Variants in ASZ1 observed in about 807,000 individuals in gnomAD.
The protein encoded by ASZ1 is ankyrin repeat, SAM and basic leucine zipper domain-containing protein 1.
A neutral mutation model predicts 61.8 loss-of-function variants in ASZ1; 67 were observed. The observed-to-expected ratio is 1.08, with a 90% CI of 0.89 to 1.33. The LOEUF (loss-of-function observed/expected upper bound fraction) is 1.33. ASZ1 is among the 40% of genes most tolerant of loss of function. The pLI is 0.00. For missense variants in ASZ1, 577 were observed against 554.5 expected (o/e 1.04, Z -0.41); for synonymous variants, 193 against 192.7 (o/e 1.00, Z -0.01).
At chr7:117,391,151 A>G (rs940425081) in intron 4 of ASZ1, among the ~76,000 whole-genome samples, 5 of 148,612 alleles carry the variant, frequency 3.4e-5, no homozygotes, top group African/African-American at 1.2e-4. Flanking sequence ...GTGACTGTTT[A>G]TGTCCTTTGC....
At chr7:117,365,764 C>G (rs1459144533) in intron 12 of ASZ1, among the ~76,000 whole-genome samples, 1 of 152,138 alleles carries the variant, frequency 6.6e-6, no homozygotes, top group African/African-American at 2.4e-5. Context: ...AGCACAGGTG[C>G]CTGACATATA....
chr7:117,423,232 GT>G (rs1260789332), intron 2 of ASZ1, among the ~76,000 whole-genome samples: 4 of 150,630 alleles, frequency 2.7e-5, no homozygotes, highest in East Asian at 3.9e-4. Context: ...GTATTTTGTT[GT>G]TTTTTTTTAG....
chr7:117,425,981 G>A (rs899574249), intron 2 of ASZ1, among the ~76,000 whole-genome samples: 3 of 151,590 alleles, frequency 2.0e-5, no homozygotes, highest in Admixed American at 6.6e-5. Flanking sequence ...GCTAGAGAGA[G>A]ACACTCCATC....
chr7:117,377,521 T>C (rs74470343), intron 10 of ASZ1, among the ~76,000 whole-genome samples: 3,480 of 152,158 alleles, frequency 0.023, 130 homozygotes, highest in African/African-American at 0.08. Flanking sequence ...GGGCGAGACC[T>C]GGTCTCAAAA....
At chr7:117,385,586 A>G in intron 5 of ASZ1, 112 bp downstream of exon 5, 2 of 876,198 alleles carry the variant, frequency 2.3e-6, no homozygotes, top group South Asian at 3.5e-5. Context: ...TTTTTTCACC[A>G]GATAGCAATT....
chr7:117,370,565 T>C (rs1305415289), intron 10 of ASZ1, among the ~76,000 whole-genome samples: 2 of 152,016 alleles, frequency 1.3e-5, no homozygotes, highest in Admixed American at 6.6e-5. Flanking sequence ...AACAGAAAAG[T>C]TGGTCAAGGC....
chr7:117,395,427 T>A (rs1796558035), intron 4 of ASZ1, among the ~76,000 whole-genome samples: 2 of 152,128 alleles, frequency 1.3e-5, no homozygotes, highest in South Asian at 2.1e-4. Context: ...CTGAATACGA[T>A]GTTTAATTCT....
chr7:117,386,877 A>G (rs1001264002), intron 4 of ASZ1, among the ~76,000 whole-genome samples: 1 of 152,122 alleles, frequency 6.6e-6, no homozygotes, highest in Admixed American at 6.6e-5. Context: ...ATGTGAAATT[A>G]TATGCTAAAT....
chr7:117,379,133 TTATATATATATATA>T lies in ASZ1; in HGVS notation c.1055+791_1055+804del, dbSNP rs370500034. Among the ~76,000 whole-genome samples, 224 of 104,688 alleles carry T rather than the reference TTATATATATATATA, an allele frequency of 2.1e-3. 2 individuals carry two copies. The highest frequency in any genetic ancestry group is 7.6e-3 in the African/African-American group (216 of 28,602). The allele number at this position is 104,688 out of a possible 152,430, so 68.7% of individuals were successfully genotyped here. A position where few individuals can be genotyped will look rare whatever the true frequency, so the allele number is the denominator to read the frequency against. The stretch of plus-strand genomic sequence containing the variant: ...ACATGAAGCTATAAATGTGATAAAA[TTATATATATATATA>T]TATATATATATATATATATATACAC... On this transcript the variant is annotated intron_variant, in intron 10 of 12. Coordinates refer to ENST00000284629, the MANE Select transcript of ASZ1 (RefSeq NM_130768.3).
intron 12 of ASZ1, 23 bp downstream of exon 12, chr7:117,367,328 CT>C: frequency 1.4e-6 from 2 of 1,423,982 alleles, no homozygotes; most frequent in Non-Finnish European, 1.9e-6. Context: ...CATTTTTCCC[CT>C]CCTTTTAATG....
intron 4 of ASZ1, among the ~76,000 whole-genome samples, chr7:117,409,253 T>C (rs1373400876): frequency 1.3e-5 from 2 of 152,012 alleles, no homozygotes; most frequent in Non-Finnish European, 2.9e-5. Context: ...AACATGGCTT[T>C]TCAAAGACTG....
intron 4 of ASZ1, among the ~76,000 whole-genome samples, chr7:117,387,768 T>A (rs1195207821): frequency 6.6e-6 from 1 of 152,208 alleles, no homozygotes; most frequent in Non-Finnish European, 1.5e-5. Context: ...TTACAGTTTA[T>A]TGTCTTTGAA....
intron 2 of ASZ1, among the ~76,000 whole-genome samples, chr7:117,423,689 CAAAAAA>C (rs60144830): frequency 1.0e-4 from 8 of 76,514 alleles, no homozygotes; most frequent in African/African-American, 1.7e-4. Context: ...ACTAAAAATA[CAAAAAA>C]AAAAAAAAAA....
At chr7:117,389,554 A>G (rs1336418349) in intron 4 of ASZ1, among the ~76,000 whole-genome samples, 1 of 152,222 alleles carries the variant, frequency 6.6e-6, no homozygotes, top group Admixed American at 6.5e-5. Flanking sequence ...AACCAGGCAG[A>G]GAGATACAGC....
chr7:117,369,358 C>T (rs1796005402), intron 10 of ASZ1, among the ~76,000 whole-genome samples: 1 of 152,034 alleles, frequency 6.6e-6, no homozygotes, highest in Non-Finnish European at 1.5e-5. Flanking sequence ...CTGGATATAA[C>T]CATTTATTAA....
intron 2 of ASZ1, among the ~76,000 whole-genome samples, chr7:117,423,507 T>TGCTCAAACTGTGATA (rs1399706380): frequency 6.6e-6 from 1 of 151,842 alleles, no homozygotes; most frequent in Non-Finnish European, 1.5e-5. Context: ...TTGAGAATAC[T>TGCTCAAACTGTGATA]GCTCAAACTG....
intron 2 of ASZ1, among the ~76,000 whole-genome samples, chr7:117,423,910 A>G (rs1366165640): frequency 6.6e-6 from 1 of 151,892 alleles, no homozygotes; most frequent in East Asian, 1.9e-4. Flanking sequence ...AATTCTTACT[A>G]AAATTCTAAC....
rs553919113 is a variant in ASZ1, at chr7:117,426,876, G to T, written c.165C>A (p.Thr55=). 6.2e-7 allele frequency: 1 copy of T among 1,613,234 alleles called. No homozygotes were observed. Among genetic ancestry groups the T allele is most frequent in the South Asian group, 1.1e-5 (1 of 90,772 alleles). ...CCTGGACCAATGAAACATCTCCGAT[G>T]GTCATTGCTTTCTTAAATTTTTCTT... ...EKKEKFKKAM[T]IGDVSLVQEL... The change falls in exon 2 of 13, where the codon ACC becomes ACA. Residue 55 remains threonine (T), a synonymous_variant. Transcript: ENST00000284629.
chr7:117,423,690 A>T (rs950364336), intron 2 of ASZ1, among the ~76,000 whole-genome samples: 1 of 43,404 alleles, frequency 2.3e-5, no homozygotes, highest in African/African-American at 8.7e-5. Flanking sequence ...CTAAAAATAC[A>T]AAAAAAAAAA....
Sources: allele counts gnomAD v4.1 joint callset (sites outside exome capture counted in the v4.1 genomes callset), GRCh38; gene constraint gnomAD v4.1.1; transcripts MANE v1.5; gene names NCBI Gene and HGNC (gene_info 2026-07-23, HGNC 2026-07-21).